POLE: variants seen among roughly 807,000 people sequenced by gnomAD.
The protein encoded by POLE is DNA polymerase epsilon, catalytic subunit.
POLE carries 188 observed loss-of-function variants against 279.2 expected under a neutral mutation model. The observed-to-expected ratio is 0.67, with a 90% CI of 0.60 to 0.76. The LOEUF is 0.76. Ranked by LOEUF, POLE falls within the 30% of genes least tolerant of loss-of-function variation. The probability of loss-of-function intolerance (pLI) is 0.00; values close to 1 mark genes in which losing one functional copy is unlikely to be tolerated. For synonymous variants in POLE, 1,214 were observed against 1,172.5 expected (o/e 1.04, Z -0.72); for missense variants, 2,703 against 3,016.7 (o/e 0.90, Z 2.44).
intron 26 of POLE, chr12:132,658,303 AAC>A (rs554966462): frequency 9.8e-4 from 256 of 261,452 alleles, no homozygotes; most frequent in African/African-American, 5.5e-3. Context: ...CGTACAGGCA[AAC>A]ACGTGCATGT....
At position 132,649,061 on chromosome 12, in the gene POLE, G is replaced by T. The variant is rs1276906694; in HGVS notation, c.4017C>A (p.Thr1339=). 4 of 1,611,916 alleles carry T rather than the reference G, an allele frequency of 2.5e-6. No individual in the cohort carries two copies. Among genetic ancestry groups the T allele is most frequent in the Admixed American group, 3.3e-5 (2 of 59,934 alleles). ...LPWQIVQISE[T]SQAGLFRLWA... is the part of the protein sequence containing the mutation. ...ACAGCCTGAACAGGCCGGCCTGGCT[G>T]GTCTCGCTGATCTGAAAGGCCACAC... The change falls in exon 32 of 49, where the codon ACC becomes ACA. Residue 1339 remains threonine (T), a synonymous_variant. Transcript: ENST00000320574.
chr12:132,669,297 C>T (rs1465694846), intron 16 of POLE, among the ~76,000 whole-genome samples: 6 of 151,886 alleles, frequency 4.0e-5, no homozygotes, highest in Non-Finnish European at 1.5e-5. Flanking sequence ...GGACCCCCGT[C>T]TCTATAAAAA....
At chr12:132,674,531 T>C (rs1474515192) in intron 12 of POLE, among the ~76,000 whole-genome samples, 6 of 152,118 alleles carry the variant, frequency 3.9e-5, no homozygotes, top group African/African-American at 1.4e-4. Flanking sequence ...ACCCATTCCC[T>C]GTCTCCACGG....
chr12:132,642,820 C>T lies in POLE; in HGVS notation c.4728G>A (p.Lys1576=), dbSNP rs1555222662. 1.9e-6 allele frequency: 3 copies of T among 1,614,012 alleles called. No individual in the cohort carries two copies. The highest frequency in any genetic ancestry group is 1.3e-5 in the African/African-American group (1 of 75,060). The change falls in exon 36 of 49, where the codon AAG becomes AAA. Residue 1576 remains lysine (K), a splice_region_variant and synonymous_variant. Transcript: ENST00000320574. ...RAIQRFLLAY[K]EERRGPTLIA... The stretch of plus-strand genomic sequence containing the variant: ...ACAGCAAGACCCCAACCACTCTCAC[C>T]TTGTAGGCGAGCAGGAATCGCTGGA...
rs1555224039 is a variant in POLE, at chr12:132,649,684, G to A, written c.3788C>T (p.Thr1263Ile). Residue 1263 changes from threonine (T) to isoleucine (I), a missense_variant, in exon 30 of 49, where the codon ACC becomes ATC. Physicochemically the swap from Thr to Ile is moderately conservative, Grantham distance 89 (BLOSUM62 -1). Transcript: ENST00000320574. ...EILGQPPALG[T>I]SQEEWLVWLR... ...CACAGCTGTGTGCCTTACCTGGCTG[G>A]TTCCCAGGGCGGGAGGCTGCCCCAA... is the stretch of plus-strand genomic sequence containing the variant. 1 of 1,613,948 alleles carries A rather than the reference G, an allele frequency of 6.2e-7. No homozygotes were observed. The highest frequency in any genetic ancestry group is 8.5e-7 in the Non-Finnish European group (1 of 1,179,998).
At chr12:132,658,070 C>T (rs1036716904) in intron 26 of POLE, 100 bp from the exon 27 acceptor site, 1 of 769,712 alleles carries the variant, frequency 1.3e-6, no homozygotes, top group African/African-American at 1.7e-5. Context: ...GGACGTGTAA[C>T]AGCTGTTCAC....
Position 132,649,739 on chromosome 12 carries a change from G to A in POLE, c.3733C>T (p.Leu1245Phe), listed in dbSNP as rs1431438300. 1.2e-6 allele frequency: 2 copies of A among 1,614,214 alleles called. No homozygotes were observed. Among genetic ancestry groups the A allele is most frequent in the Admixed American group, 3.3e-5 (2 of 60,026 alleles). The change falls in exon 30 of 49, where the codon CTC (leucine) becomes TTC (phenylalanine). Residue 1245 changes from leucine to phenylalanine, a missense_variant. Coordinates refer to ENST00000320574, the MANE Select transcript of POLE (RefSeq NM_006231.4). The stretch of plus-strand genomic sequence containing the variant: ...TCCTGCCAGGGCACAGTCGGCGTGA[G>A]GTCCTGGGACTCCTCCTGGCTCTCC... Reference protein sequence around the residue: ...LWESQEESQDLTPTVPWQEIL... With the variant: ...LWESQEESQDFTPTVPWQEIL...
chr12:132,661,455 T>C lies in POLE; in HGVS notation c.2864+72A>G, dbSNP rs546860654. 4 of 1,524,114 alleles carry C rather than the reference T, an allele frequency of 2.6e-6. No individual in the cohort carries two copies. The highest frequency in any genetic ancestry group is 1.7e-4 in the Middle Eastern group (1 of 5,722). 94.4% of individuals were successfully genotyped at this position (1,524,114 alleles called of 1,614,324 possible). A position where few individuals can be genotyped will look rare whatever the true frequency, so the allele number is the denominator to read the frequency against. On this transcript the variant is annotated intron_variant, in intron 24 of 48. Coordinates refer to ENST00000320574, the MANE Select transcript of POLE (RefSeq NM_006231.4). The surrounding 1 kb of genome is among the most constrained non-coding windows in gnomAD (Gnocchi z 4.1). ...TTCTATCCTGGCTCCTGATCCAACC[T>C]CCTTTCTGGGCTAAATTTAATCTAT...
At chr12:132,657,737 A>G (rs1278546201) in intron 27 of POLE, 131 bp downstream of exon 27, 1 of 741,496 alleles carries the variant, frequency 1.3e-6, no homozygotes, top group South Asian at 1.6e-5. Context: ...GTGCTCACCT[A>G]TTACTTATCA....
chr12:132,680,106 A>G (rs2136029333), intron 4 of POLE, 60 bp from the exon 5 acceptor site: 2 of 1,593,696 alleles, frequency 1.3e-6, no homozygotes. Flanking sequence ...TTCCTTGCCT[A>G]TTTCCCAGTT....
chr12:132,665,508 A>G (rs1055261557), intron 20 of POLE, 58 bp from the exon 21 acceptor site: 35 of 1,550,366 alleles, frequency 2.3e-5, no homozygotes, highest in Non-Finnish European at 2.8e-5. Context: ...CATTCTACAA[A>G]GTCAATAGCC....
At chr12:132,637,437 A>G (rs1194982272) in intron 41 of POLE, among the ~76,000 whole-genome samples, 1 of 152,210 alleles carries the variant, frequency 6.6e-6, no homozygotes, top group Admixed American at 6.5e-5. Flanking sequence ...CAGTTGAACA[A>G]AAGTTGCTGG....
chr12:132,660,597 A>G (rs1319078781), intron 25 of POLE: 1 of 167,150 alleles, frequency 6.0e-6, no homozygotes, highest in African/African-American at 2.4e-5. Flanking sequence ...AAAAATATAA[A>G]AAATACAAAG....
chr12:132,669,566 A>G (rs1487226559), intron 16 of POLE, among the ~76,000 whole-genome samples: 1 of 152,262 alleles, frequency 6.6e-6, no homozygotes, highest in African/African-American at 2.4e-5. Context: ...AAGGAATAAC[A>G]TCTATTCCAT....
chr12:132,641,058 C>G (rs1426429391), intron 39 of POLE: 1 of 456,620 alleles, frequency 2.2e-6, no homozygotes, highest in African/African-American at 2.0e-5. Flanking sequence ...GGCAGCCCCT[C>G]TGACCTCAGT....
chr12:132,659,263 C>G, intron 26 of POLE, 32 bp downstream of exon 26: 3 of 1,604,772 alleles, frequency 1.9e-6, no homozygotes, highest in Non-Finnish European at 2.6e-6. Flanking sequence ...TGGGAGGAGC[C>G]CTCACCTCTC....
Position 132,626,098 on chromosome 12 carries a change from C to T in POLE, c.6531+19G>A, listed in dbSNP as rs1209524249. ...ATGTTCTGCTCCACAGTGAAGGGCC[C>T]GCTGGAGCTCAGCCGCACCTCTGAG... On this transcript the variant is annotated intron_variant, in intron 46 of 48. Coordinates refer to ENST00000320574, the MANE Select transcript of POLE (RefSeq NM_006231.4). 4.4e-6 allele frequency: 7 copies of T among 1,576,596 alleles called. No homozygotes were observed. Among genetic ancestry groups the T allele is most frequent in the Non-Finnish European group, 6.0e-6 (7 of 1,161,900 alleles).
intron 47 of POLE, 21 bp downstream of exon 47, chr12:132,625,624 C>T (rs1328024283): frequency 4.3e-6 from 7 of 1,611,980 alleles, no homozygotes; most frequent in Non-Finnish European, 5.1e-6. Context: ...GGCACACGGG[C>T]AGGCGGCATG....
At chr12:132,641,432 G>T in intron 39 of POLE, 1 of 588,790 alleles carries the variant, frequency 1.7e-6, no homozygotes, top group East Asian at 2.8e-5. Flanking sequence ...AGGGAGGTCA[G>T]AGGCAGCACA....
Sources: allele counts gnomAD v4.1 joint callset (sites outside exome capture counted in the v4.1 genomes callset), GRCh38; gene constraint gnomAD v4.1.1; non-coding constraint Gnocchi (gnomAD v3.1); transcripts MANE v1.5; gene names NCBI Gene and HGNC (gene_info 2026-07-23, HGNC 2026-07-21).